NF1: variants seen among roughly 807,000 people sequenced by gnomAD.
The protein encoded by NF1 is neurofibromin.
A neutral mutation model predicts 325.7 loss-of-function variants in NF1; 122 were observed. That is an observed-to-expected ratio of 0.37 (90% CI 0.32 to 0.44). The LOEUF is 0.44. Among genes scored for constraint, NF1 ranks in the 20% least tolerant of loss-of-function variants. NF1 has a pLI of 1.00. For synonymous variants in NF1, 1,091 were observed against 1,186.0 expected (o/e 0.92, Z 1.65); for missense variants, 2,140 against 3,415.4 (o/e 0.63, Z 9.31).
chr17:31,337,489 G>T lies in NF1; in HGVS notation c.6549G>T (p.Arg2183=), dbSNP rs1028183407. 1.2e-6 allele frequency: 2 copies of T among 1,614,070 alleles called. No homozygotes were observed. The highest frequency in any genetic ancestry group is 4.5e-5 in the East Asian group (2 of 44,882). The change falls in exon 43 of 58, where the codon CGG becomes CGT. Residue 2183 remains arginine (R), a synonymous_variant. Transcript: ENST00000358273. Reference sequence around the variant, plus strand: ...TCATTGCCTTCCGTTCCAGTTACCGGGACAGGTCATTCTCTCCTGGCTCCT... The same window carrying T: ...TCATTGCCTTCCGTTCCAGTTACCGTGACAGGTCATTCTCTCCTGGCTCCT... ...AAVIAFRSSY[R]DRSFSPGSYE... is the part of the protein sequence containing the mutation.
rs754583248 is a variant in NF1 at position 31,227,200 on chromosome 17, G to C, written c.2252-18G>C. 1.2e-6 allele frequency: 2 copies of C among 1,613,180 alleles called. No individual in the cohort carries two copies. Among genetic ancestry groups the C allele is most frequent in the African/African-American group, 2.7e-5 (2 of 74,978 alleles). ...GGCTCTAAGTGCAGTAACTTGATTT[G>C]CTGTTGTATTTGCTTAGGAAGAGCA... On this transcript the variant is annotated intron_variant, in intron 18 of 57. Transcript: ENST00000358273.
chr17:31,178,198 A>G (rs928051208), intron 5 of NF1, among the ~76,000 whole-genome samples: 8 of 152,206 alleles, frequency 5.3e-5, no homozygotes, highest in Admixed American at 4.6e-4. Context: ...GCCAGAATAG[A>G]GTGGGGGCCA....
Position 31,149,185 on chromosome 17 carries a change from G to A in NF1, c.61-6798G>A, listed in dbSNP as rs150760649. The stretch of plus-strand genomic sequence containing the variant: ...ATTTGGATTCATTTTTTGGTTTTAC[G>A]TTACATTTTATACATGTCTTTTATT... On this transcript the variant is annotated intron_variant, in intron 1 of 57. Coordinates refer to ENST00000358273, the MANE Select transcript of NF1 (RefSeq NM_001042492.3). Among the ~76,000 whole-genome samples the A allele has an allele frequency of 9.6e-3, 1,445 of 150,800 alleles. 24 individuals are homozygous for A. Among genetic ancestry groups the A allele is most frequent in the African/African-American group, 0.033 (1,360 of 41,040 alleles).
chr17:31,099,564 T>C (rs1912110715), intron 1 of NF1, among the ~76,000 whole-genome samples: 2 of 151,216 alleles, frequency 1.3e-5, no homozygotes, highest in South Asian at 4.2e-4. Context: ...GTAGCTTTTT[T>C]TTTTTTTTTT....
In NF1 at chr17:31,201,903, A is replaced by G. The variant is rs139435399; in HGVS notation, c.1260+418A>G. 5.9e-5 allele frequency among the ~76,000 whole-genome samples: 9 copies of G among 152,332 alleles called. No individual in the cohort carries two copies. In the East Asian group the frequency reaches 1.5e-3, roughly 26 times the overall value. On this transcript the variant is annotated intron_variant, in intron 11 of 57. Transcript: ENST00000358273. ...AATAGTATTTATGTTGTAGTCTAGT[A>G]TAGCACATTGACAAAATGATGGGAC...
intron 1 of NF1, among the ~76,000 whole-genome samples, chr17:31,103,544 C>T (rs2143231434): frequency 6.6e-6 from 1 of 151,912 alleles, no homozygotes; most frequent in African/African-American, 2.4e-5. Context: ...CGTGCCTGGC[C>T]CTATTTTTGT....
At chr17:31,147,845 T>G (rs1436508242) in intron 1 of NF1, among the ~76,000 whole-genome samples, 1 of 152,238 alleles carries the variant, frequency 6.6e-6, no homozygotes, top group African/African-American at 2.4e-5. Context: ...TTTACCCTCT[T>G]CCACTCACTG....
At chr17:31,237,457 G>C (rs1470246189) in intron 29 of NF1, among the ~76,000 whole-genome samples, 3 of 151,742 alleles carry the variant, frequency 2.0e-5, no homozygotes, top group Admixed American at 6.6e-5. Flanking sequence ...TTTGTATTTT[G>C]GTAGAGACGA....
Position 31,182,671 on chromosome 17 carries a change from G to C in NF1, c.888+6G>C, listed in dbSNP as rs1555609000. On this transcript the variant is annotated splice_donor_region_variant and intron_variant, in intron 8 of 57. Coordinates refer to ENST00000358273, the MANE Select transcript of NF1 (RefSeq NM_001042492.3). The stretch of plus-strand genomic sequence containing the variant: ...ATGAAAACAACATGAATAAGGTAAG[G>C]AGGGCAAAATTATTTCCATTATATC... 1.9e-6 allele frequency: 3 copies of C among 1,611,756 alleles called. No individual in the cohort carries two copies. The highest frequency in any genetic ancestry group is 2.5e-6 in the Non-Finnish European group (3 of 1,179,068).
intron 29 of NF1, among the ~76,000 whole-genome samples, 163 bp downstream of exon 29, chr17:31,236,184 T>A (rs768617030): frequency 6.6e-6 from 1 of 152,310 alleles, no homozygotes; most frequent in Non-Finnish European, 1.5e-5. Flanking sequence ...TAATGATATC[T>A]GTAATTTTTT....
chr17:31,266,436 C>T (rs1166254179), intron 36 of NF1, among the ~76,000 whole-genome samples: 3 of 152,148 alleles, frequency 2.0e-5, no homozygotes, highest in African/African-American at 7.2e-5. Context: ...CGCCACCCCC[C>T]TGCCCTTTAA....
rs978262966 is a variant in NF1, at chr17:31,208,554, A to T, written c.1392+2183A>T. Among the ~76,000 whole-genome samples, 4 of 152,108 alleles carry T rather than the reference A, an allele frequency of 2.6e-5. No individual in the cohort carries two copies. In the East Asian group the frequency reaches 5.8e-4, roughly 22 times the overall value. On this transcript the variant is annotated intron_variant, in intron 12 of 57. Coordinates refer to ENST00000358273, the MANE Select transcript of NF1 (RefSeq NM_001042492.3). ...ATACACAGCACTTCCCCTCACCGAG[A>T]TTCCAAGCAAAAGGTTTATAGCTTT...
In NF1 at chr17:31,221,762, A is replaced by G. The variant is rs185282823; in HGVS notation, c.1642-88A>G. 2.7e-3 allele frequency: 2,403 copies of G among 885,418 alleles called. 12 individuals carry two copies. The highest frequency in any genetic ancestry group is 4.0e-3 in the Non-Finnish European group (2,203 of 545,400). The allele number at this position is 885,418 out of a possible 1,614,324, so 54.8% of individuals were successfully genotyped here. ...AAATGAAAGAGCTCAATTTCTTAGCATTTATAAAATAAGTACTCCAGTGTT... is the reference window on the plus strand; with the variant it reads ...AAATGAAAGAGCTCAATTTCTTAGCGTTTATAAAATAAGTACTCCAGTGTT... On this transcript the variant is annotated intron_variant, in intron 14 of 57. Transcript: ENST00000358273.
intron 1 of NF1, among the ~76,000 whole-genome samples, chr17:31,113,773 G>A (rs937182146): frequency 7.2e-5 from 11 of 152,026 alleles, no homozygotes; most frequent in African/African-American, 2.4e-4. Context: ...CATCTGCCTC[G>A]GCCTCCCAAA....
intron 5 of NF1, among the ~76,000 whole-genome samples, chr17:31,179,639 C>T (rs1008723524): frequency 2.6e-5 from 4 of 151,984 alleles, no homozygotes; most frequent in Non-Finnish European, 5.9e-5. Context: ...AAAAATTAGC[C>T]GGGCATGGTG....
At chr17:31,234,670 C>CAAAAAAAAAAA (rs754308242) in intron 27 of NF1, among the ~76,000 whole-genome samples, 2 of 56,282 alleles carry the variant, frequency 3.6e-5, no homozygotes, top group Non-Finnish European at 3.6e-5. Flanking sequence ...GACTCTGTCT[C>CAAAAAAAAAAA]AAAAAAAAAA....
chr17:31,226,080 G>T (rs1297974131), intron 17 of NF1, among the ~76,000 whole-genome samples: 1 of 151,880 alleles, frequency 6.6e-6, no homozygotes, highest in South Asian at 2.1e-4. Flanking sequence ...TGACTGGGAG[G>T]TACATTATAT....
rs17885977 is a variant in NF1, at chr17:31,215,162, A to G, written c.1527+577A>G. On this transcript the variant is annotated intron_variant, in intron 13 of 57. Transcript: ENST00000358273. ...AGACAGGGTCTTGCTCTGCTTCCCA[A>G]GCTAGAGAGCAGTGGAGCAGTGATG... Among the ~76,000 whole-genome samples, 1,020 of 152,244 alleles carry G rather than the reference A, an allele frequency of 6.7e-3. 16 individuals carry two copies. The highest frequency in any genetic ancestry group is 0.023 in the African/African-American group (954 of 41,544).
chr17:31,129,453 A>C (rs1452914259), intron 1 of NF1, among the ~76,000 whole-genome samples: 4 of 135,348 alleles, frequency 3.0e-5, no homozygotes, highest in Admixed American at 1.6e-4. Flanking sequence ...TGCATTATGA[A>C]ATTTTTTTTT....
Sources: gnomAD v4.1 joint callset for allele counts (sites outside exome capture counted in the v4.1 genomes callset) on GRCh38, gnomAD v4.1.1 for gene constraint, MANE v1.5 for transcripts, NCBI Gene and HGNC (gene_info 2026-07-23, HGNC 2026-07-21) for gene names.